TEKT5: variants seen among roughly 807,000 people sequenced by gnomAD.
TEKT5 encodes tektin-5.
A neutral mutation model predicts 48.7 loss-of-function variants in TEKT5; 52 were observed. That is an observed-to-expected ratio of 1.07 (90% CI 0.86 to 1.35). The LOEUF (loss-of-function observed/expected upper bound fraction) is 1.35. TEKT5 is among the 40% of genes most tolerant of loss of function. TEKT5 has a pLI of 0.00. For synonymous variants in TEKT5, 318 were observed against 267.6 expected, an observed-to-expected ratio of 1.19 and a Z score of -1.84; for missense variants, 831 against 641.6, an observed-to-expected ratio of 1.30 and a Z score of -3.19.
rs887135973 is a variant in TEKT5, at chr16:10,627,867, G to A, written c.1242-68C>T. ...TTTTATTTGTTTATTTTTTGAGACA[G>A]AGTCTCACTCTGTCACCCAGGCTGG... On this transcript the variant is annotated intron_variant, in intron 6 of 6. Transcript: ENST00000283025. 4 of 1,439,318 alleles carry A rather than the reference G, an allele frequency of 2.8e-6. 1 individual carries two copies. Among genetic ancestry groups the A allele is most frequent in the Admixed American group, 2.0e-5 (1 of 50,842 alleles). 89.2% of individuals were successfully genotyped at this position (1,439,318 alleles called of 1,614,324 possible).
chr16:10,632,575 T>A (rs1159642168), intron 6 of TEKT5, among the ~76,000 whole-genome samples: 1 of 151,994 alleles, frequency 6.6e-6, no homozygotes, highest in East Asian at 1.9e-4. Context: ...GGGTTACAGG[T>A]CTGAACCACC....
Position 10,658,331 on chromosome 16 carries a change from C to T in TEKT5, c.1086+17628G>A, listed in dbSNP as rs113511591. Among the ~76,000 whole-genome samples, 293 of 152,270 alleles carry T rather than the reference C, an allele frequency of 1.9e-3. 4 individuals are homozygous for T. Among genetic ancestry groups the T allele is most frequent in the African/African-American group, 6.9e-3 (287 of 41,560 alleles). On this transcript the variant is annotated intron_variant, in intron 5 of 6. Coordinates refer to ENST00000283025, the MANE Select transcript of TEKT5 (RefSeq NM_144674.2). ...TTGTGCAAGAATGTTCAAGAATGTTCATAACAACTTAAACATCTATCAACA... is the reference window on the plus strand; with the variant it reads ...TTGTGCAAGAATGTTCAAGAATGTTTATAACAACTTAAACATCTATCAACA...
chr16:10,694,198 TC>T, intron 1 of TEKT5, 111 bp downstream of exon 1: 1 of 1,106,392 alleles, frequency 9.0e-7, no homozygotes, highest in Non-Finnish European at 1.3e-6. Flanking sequence ...ATGATGCAGC[TC>T]AAACCGACCT....
intron 1 of TEKT5, 103 bp from the exon 2 acceptor site, chr16:10,690,128 C>T (rs1006743496): frequency 2.9e-5 from 37 of 1,284,956 alleles, no homozygotes; most frequent in Non-Finnish European, 3.8e-5. Context: ...TCCTTTCTCC[C>T]GGAAACCTGG....
chr16:10,655,225 T>A (rs1436628164), intron 5 of TEKT5, among the ~76,000 whole-genome samples: 1 of 152,084 alleles, frequency 6.6e-6, no homozygotes, highest in African/African-American at 2.4e-5. Flanking sequence ...ATAAACAATG[T>A]TGCCTTTACA....
chr16:10,630,869 A>C (rs1347317095), intron 6 of TEKT5, among the ~76,000 whole-genome samples: 1 of 151,794 alleles, frequency 6.6e-6, no homozygotes, highest in Non-Finnish European at 1.5e-5. Context: ...TAAAAATAGA[A>C]AAAAATTAGC....
In TEKT5 at chr16:10,694,333, T is replaced by C; in HGVS notation, c.541A>G (p.Asn181Asp). Residue 181 changes from asparagine (N) to aspartate (D), a missense_variant, in exon 1 of 7, where the codon AAT becomes GAT. Asn to Asp is a conservative substitution (Grantham distance 23). Transcript: ENST00000283025. ...ACCTGCAATGGGCAGTTCACCTCAT[T>C]GGCCGCGCACTCCAGCCGCCTCTTG... ...TVKRRLECAA[N>D]EVNCPLQVAL... The C allele has an allele frequency of 6.2e-7, 1 of 1,605,220 alleles. No homozygotes were observed. Among genetic ancestry groups the C allele is most frequent in the Non-Finnish European group, 8.5e-7 (1 of 1,175,330 alleles).
rs536652631 is a variant in TEKT5, at chr16:10,684,955, A to G, written c.720-2819T>C. On this transcript the variant is annotated intron_variant, in intron 3 of 6. Coordinates refer to ENST00000283025, the MANE Select transcript of TEKT5 (RefSeq NM_144674.2). ...AGAGCCTGGTGTTGGCCACCTGAGC[A>G]GGTCAGTGGCAGAGCTTCCCCAAGG... 2.0e-5 allele frequency among the ~76,000 whole-genome samples: 3 copies of G among 152,354 alleles called. No homozygotes were observed. In the East Asian group the frequency reaches 5.8e-4, roughly 29 times the overall value.
intron 5 of TEKT5, among the ~76,000 whole-genome samples, chr16:10,673,769 G>A (rs1463192181): frequency 6.7e-6 from 1 of 149,710 alleles, no homozygotes; most frequent in Non-Finnish European, 1.5e-5. Flanking sequence ...TCCCGCCTCA[G>A]CCTCCCGAGT....
rs976850890 is a variant in TEKT5 at position 10,676,291 on chromosome 16, C to T, written c.864-110G>A. 2.1e-5 allele frequency: 22 copies of T among 1,036,570 alleles called. No homozygotes were observed. In the Admixed American group the frequency reaches 4.5e-4, roughly 21 times the overall value. 64.2% of individuals were successfully genotyped at this position (1,036,570 alleles called of 1,614,324 possible). A position where few individuals can be genotyped will look rare whatever the true frequency, so the allele number is the denominator to read the frequency against. On this transcript the variant is annotated intron_variant, in intron 4 of 6. Coordinates refer to ENST00000283025, the MANE Select transcript of TEKT5 (RefSeq NM_144674.2). ...GGTCGGGATTATTCTCTGTCCTGTG[C>T]ATTGTAGGGTGCTTGGGATGTTTAA... is the stretch of plus-strand genomic sequence containing the variant.
chr16:10,652,451 AACACACACACACAC>A (rs572277672), intron 5 of TEKT5, among the ~76,000 whole-genome samples: 21 of 66,770 alleles, frequency 3.1e-4, no homozygotes, highest in South Asian at 1.4e-3. Flanking sequence ...TACACAGGCA[AACACACACACACAC>A]ACACACACAC....
chr16:10,676,121 GTTCTGAGA>G lies in TEKT5; in HGVS notation c.916_923del (p.Ser306HisfsTer17), dbSNP rs1898641049. 1 of 1,614,116 alleles carries G rather than the reference GTTCTGAGA, an allele frequency of 6.2e-7. No individual in the cohort carries two copies. Among genetic ancestry groups the G allele is most frequent in the Non-Finnish European group, 8.5e-7 (1 of 1,180,052 alleles). On this transcript the variant is annotated frameshift_variant, in exon 5 of 7. Coordinates refer to ENST00000283025, the MANE Select transcript of TEKT5 (RefSeq NM_144674.2). LOFTEE classifies it high-confidence loss of function. ...GCAGCTGGATGGAGTTGGCCCGCAT[GTTCTGAGA>G]GTGTTTGATGTTGTCGTTACTGAAC...
chr16:10,670,620 AT>A (rs752320627), intron 5 of TEKT5, among the ~76,000 whole-genome samples: 10 of 152,184 alleles, frequency 6.6e-5, no homozygotes, highest in Non-Finnish European at 1.3e-4. Flanking sequence ...TTCCTTTATT[AT>A]TTTAGAATAA....
At position 10,681,997 on chromosome 16, in the gene TEKT5, C is replaced by G; in HGVS notation, c.859G>C (p.Gly287Arg). ...SFFHGMEKID[G>R]TISVPETWAK... The stretch of plus-strand genomic sequence containing the variant: ...GAGGGGGAGTCTGATACTTACGTGC[C>G]GTCAATTTTCTCCATGCCGTGGAAG... Residue 287 changes from glycine (G) to arginine (R), a missense_variant, in exon 4 of 7, where the codon GGC becomes CGC. Physicochemically the swap from Gly to Arg is moderately radical, Grantham distance 125. Transcript: ENST00000283025. The G allele has an allele frequency of 6.2e-7, 1 of 1,613,838 alleles. No individual in the cohort carries two copies. Among genetic ancestry groups the G allele is most frequent in the Non-Finnish European group, 8.5e-7 (1 of 1,179,818 alleles).
intron 5 of TEKT5, among the ~76,000 whole-genome samples, chr16:10,640,096 C>T (rs4780966): frequency 7.3e-4 from 47 of 64,602 alleles, no homozygotes; most frequent in South Asian, 2.4e-3. Flanking sequence ...CCTTCCTTCC[C>T]TCTCCCCTCC....
At chr16:10,679,216 A>T (rs999220747) in intron 4 of TEKT5, among the ~76,000 whole-genome samples, 5 of 152,196 alleles carry the variant, frequency 3.3e-5, no homozygotes, top group African/African-American at 9.7e-5. Context: ...TGAAGCTGTC[A>T]GCACAATGTC....
chr16:10,638,237 G>A (rs1161650680), intron 5 of TEKT5, among the ~76,000 whole-genome samples: 1 of 152,224 alleles, frequency 6.6e-6, no homozygotes, highest in Non-Finnish European at 1.5e-5. Context: ...GAAGGAAGCT[G>A]TCCTTGCACT....
intron 4 of TEKT5, among the ~76,000 whole-genome samples, chr16:10,680,621 G>T (rs374319605): frequency 2.0e-5 from 3 of 151,738 alleles, no homozygotes; most frequent in Non-Finnish European, 4.4e-5. Context: ...AATGTCCAAC[G>T]ATGATAGACT....
chr16:10,646,354 T>C (rs1898070401), intron 5 of TEKT5, among the ~76,000 whole-genome samples: 1 of 152,174 alleles, frequency 6.6e-6, no homozygotes, highest in Non-Finnish European at 1.5e-5. Flanking sequence ...CTACAAATTA[T>C]AGAATCCTGC....
Sources: gnomAD v4.1 joint callset for allele counts (sites outside exome capture counted in the v4.1 genomes callset) on GRCh38, gnomAD v4.1.1 for gene constraint, MANE v1.5 for transcripts, NCBI Gene and HGNC (gene_info 2026-07-23, HGNC 2026-07-21) for gene names.